Variants in CASQ2 observed in about 807,000 individuals in gnomAD.
CASQ2 encodes calsequestrin 2, also known as calsequestrin-2.
In CASQ2, 49 loss-of-function variants were observed where a neutral mutation model predicts 46.5. That is an observed-to-expected ratio of 1.05 (90% CI 0.84 to 1.34). The LOEUF (loss-of-function observed/expected upper bound fraction) is 1.34. Among genes scored for constraint, CASQ2 ranks in the 40% most tolerant of loss-of-function variants. The probability of loss-of-function intolerance (pLI) is 0.00; values close to 1 mark genes in which losing one functional copy is unlikely to be tolerated. For synonymous variants in CASQ2, 174 were observed against 168.5 expected, an observed-to-expected ratio of 1.03 and a Z score of -0.25; for missense variants, 486 against 481.3, an observed-to-expected ratio of 1.01 and a Z score of -0.09.
At chr1:115,744,773 T>C in intron 2 of CASQ2, 55 bp downstream of exon 2, 2 of 1,207,818 alleles carry the variant, frequency 1.7e-6, no homozygotes, top group Non-Finnish European at 2.5e-6. Context: ...ACTTTTCCTT[T>C]TGCAAGACAC....
At chr1:115,744,683 C>G in intron 2 of CASQ2, 145 bp downstream of exon 2, 1 of 684,806 alleles carries the variant, frequency 1.5e-6, no homozygotes, top group Non-Finnish European at 2.7e-6. Flanking sequence ...AAACTCTTCT[C>G]CAACCAAAGA....
At chr1:115,734,571 G>T (rs1025236545) in intron 4 of CASQ2, among the ~76,000 whole-genome samples, 20 of 152,228 alleles carry the variant, frequency 1.3e-4, no homozygotes, top group Non-Finnish European at 4.4e-5. Flanking sequence ...CTGCTCTGTT[G>T]GAGCTCAGGT....
intron 5 of CASQ2, among the ~76,000 whole-genome samples, chr1:115,730,831 A>G (rs1309631383): frequency 6.6e-6 from 1 of 152,178 alleles, no homozygotes; most frequent in African/African-American, 2.4e-5. Flanking sequence ...TCAGACCTCA[A>G]CAAAGCACCT....
rs964577087 is a variant in CASQ2 at position 115,714,968 on chromosome 1, C to T, written c.838+2872G>A. ...GCTTGATTCATTACAGCAGCAATCTCGGTCAAACAGGTTCTTACAACTTCA... is the reference window on the plus strand; with the variant it reads ...GCTTGATTCATTACAGCAGCAATCTTGGTCAAACAGGTTCTTACAACTTCA... On this transcript the variant is annotated intron_variant, in intron 8 of 10. Coordinates refer to ENST00000261448, the MANE Select transcript of CASQ2 (RefSeq NM_001232.4). Among the ~76,000 whole-genome samples the T allele has an allele frequency of 5.9e-5, 9 of 152,206 alleles. 1 individual carries two copies. In the South Asian group the frequency reaches 6.2e-4, roughly 10 times the overall value.
In CASQ2 at chr1:115,701,258, C is replaced by G. The variant is rs750480601; in HGVS notation, c.1183G>C (p.Asp395His). ...SDEEDNDDSD[D>H]DDDE ...GAGTTGGGCTATTCATCATCATCGT[C>G]ATCACTGTCATCATTATCCTCTTCA... The change falls in exon 11 of 11, where the codon GAC becomes CAC. Residue 395 changes from aspartate to histidine, a missense_variant. Coordinates refer to ENST00000261448, the MANE Select transcript of CASQ2 (RefSeq NM_001232.4). 1 of 1,607,602 alleles carries G rather than the reference C, an allele frequency of 6.2e-7. No homozygotes were observed. Among genetic ancestry groups the G allele is most frequent in the African/African-American group, 1.3e-5 (1 of 74,758 alleles).
chr1:115,739,733 A>G (rs72703638), intron 3 of CASQ2, among the ~76,000 whole-genome samples: 2,203 of 152,354 alleles, frequency 0.014, 24 homozygotes, highest in Admixed American at 0.025. Context: ...TTTACAGAGA[A>G]AAATGGAGGC....
chr1:115,733,017 T>C (rs778031867), intron 4 of CASQ2, 43 bp from the exon 5 acceptor site: 2 of 1,381,174 alleles, frequency 1.4e-6, no homozygotes, highest in South Asian at 2.3e-5. Flanking sequence ...ATTTTCAAGA[T>C]GAACACAGAA....
At chr1:115,739,386 AT>A (rs1215392680) in intron 3 of CASQ2, among the ~76,000 whole-genome samples, 3 of 151,906 alleles carry the variant, frequency 2.0e-5, no homozygotes, top group Non-Finnish European at 4.4e-5. Flanking sequence ...AAGTGCTGGG[AT>A]TACAGGCATG....
At chr1:115,713,466 G>A (rs1432072547) in intron 8 of CASQ2, among the ~76,000 whole-genome samples, 1 of 152,200 alleles carries the variant, frequency 6.6e-6, no homozygotes, top group Non-Finnish European at 1.5e-5. Context: ...CTGGCAGGTG[G>A]AGGTGGGAGT....
At chr1:115,716,438 G>T (rs1654702577) in intron 8 of CASQ2, among the ~76,000 whole-genome samples, 1 of 152,126 alleles carries the variant, frequency 6.6e-6, no homozygotes, top group African/African-American at 2.4e-5. Flanking sequence ...ATATTTTATG[G>T]ATTAAAGTAT....
chr1:115,761,918 G>A (rs1324496027), intron 1 of CASQ2, among the ~76,000 whole-genome samples: 1 of 152,216 alleles, frequency 6.6e-6, no homozygotes, highest in Non-Finnish European at 1.5e-5. Context: ...TTTTTAGGTA[G>A]TGGTCCTGCC....
chr1:115,762,073 C>G, intron 1 of CASQ2, among the ~76,000 whole-genome samples: 1 of 152,152 alleles, frequency 6.6e-6, no homozygotes, highest in East Asian at 1.9e-4. Context: ...AAGTGTACAC[C>G]GGGCAGCAGC....
chr1:115,715,453 A>G (rs1654670874), intron 8 of CASQ2, among the ~76,000 whole-genome samples: 1 of 152,250 alleles, frequency 6.6e-6, no homozygotes, highest in Non-Finnish European at 1.5e-5. Context: ...AAGATGCCAC[A>G]CACAAAAGGC....
chr1:115,733,846 G>A (rs1023748890), intron 4 of CASQ2, among the ~76,000 whole-genome samples: 6 of 152,160 alleles, frequency 3.9e-5, no homozygotes, highest in African/African-American at 1.4e-4. Flanking sequence ...TGAAGTATAA[G>A]CCTTTGTTAG....
At chr1:115,739,999 G>A (rs1318070249) in intron 3 of CASQ2, among the ~76,000 whole-genome samples, 1 of 152,138 alleles carries the variant, frequency 6.6e-6, no homozygotes, top group Non-Finnish European at 1.5e-5. Context: ...TTTGGTAAAT[G>A]TAGCTTCCAA....
At chr1:115,729,035 C>CTTTTTTTTTT (rs753965730) in intron 5 of CASQ2, among the ~76,000 whole-genome samples, 26 of 68,856 alleles carry the variant, frequency 3.8e-4, no homozygotes, top group Non-Finnish European at 4.9e-4. Flanking sequence ...CTCTTTCATT[C>CTTTTTTTTTT]TTTTTTTTTT....
chr1:115,738,102 C>T, intron 4 of CASQ2, 122 bp downstream of exon 4: 1 of 761,610 alleles, frequency 1.3e-6, no homozygotes, highest in South Asian at 1.4e-5. Flanking sequence ...AGGAAGAATT[C>T]TAACTTCTAT....
chr1:115,750,692 G>A (rs543135204), intron 1 of CASQ2, among the ~76,000 whole-genome samples: 4 of 152,090 alleles, frequency 2.6e-5, no homozygotes, highest in African/African-American at 4.8e-5. Context: ...AAGTTTTGTC[G>A]AGATAGGGTC....
intron 1 of CASQ2, among the ~76,000 whole-genome samples, chr1:115,755,700 A>T (rs1439949658): frequency 6.6e-6 from 1 of 152,210 alleles, no homozygotes; most frequent in Non-Finnish European, 1.5e-5. Flanking sequence ...TTTCACATAC[A>T]CAATGATTTC....
Sources: allele counts gnomAD v4.1 joint callset (sites outside exome capture counted in the v4.1 genomes callset), GRCh38; gene constraint gnomAD v4.1.1; transcripts MANE v1.5; gene names NCBI Gene and HGNC (gene_info 2026-07-23, HGNC 2026-07-21).